ZNF804B: variants seen among roughly 807,000 people sequenced by gnomAD.
ZNF804B encodes the protein zinc finger protein 804B.
Under a neutral mutation model 101.4 loss-of-function variants are expected in ZNF804B, and 80 were observed. The ratio of observed to expected loss-of-function variants is 0.79; its 90% CI spans 0.66 to 0.95. The LOEUF (loss-of-function observed/expected upper bound fraction) is 0.95, where lower values mean the gene tolerates loss of function less well. ZNF804B is among the 40% of genes least tolerant of loss of function. The pLI is 0.00. For synonymous variants in ZNF804B, 622 were observed against 558.8 expected (o/e 1.11, Z -1.59); for missense variants, 1,673 against 1,561.9 (o/e 1.07, Z -1.20).
At chr7:89,279,363 C>T (rs1357693828) in intron 2 of ZNF804B, among the ~76,000 whole-genome samples, 1 of 150,594 alleles carries the variant, frequency 6.6e-6, no homozygotes, top group African/African-American at 2.5e-5. Flanking sequence ...TGCCTAATTG[C>T]CCTGGCCAGA....
intron 1 of ZNF804B, among the ~76,000 whole-genome samples, chr7:88,851,692 C>A (rs2115829653): frequency 6.6e-6 from 1 of 152,056 alleles, no homozygotes; most frequent in Non-Finnish European, 1.5e-5. Context: ...AAGAAATGAA[C>A]AGCATGGATC....
chr7:89,319,215 G>A (rs1790776992), intron 2 of ZNF804B, among the ~76,000 whole-genome samples: 1 of 152,092 alleles, frequency 6.6e-6, no homozygotes, highest in Non-Finnish European at 1.5e-5. Flanking sequence ...CTTGGGGCCA[G>A]TTTATGGCCA....
intron 1 of ZNF804B, among the ~76,000 whole-genome samples, chr7:89,106,484 G>C (rs183659606): frequency 6.6e-6 from 1 of 152,054 alleles, no homozygotes; most frequent in Non-Finnish European, 1.5e-5. Context: ...GAGATTGATG[G>C]CTTGTGTAGA....
intron 1 of ZNF804B, among the ~76,000 whole-genome samples, chr7:88,988,506 C>A (rs1793797584): frequency 6.6e-6 from 1 of 152,114 alleles, no homozygotes; most frequent in Non-Finnish European, 1.5e-5. Context: ...GTGTTAATAA[C>A]AACTATTGCA....
chr7:89,155,132 A>G (rs1584020205), intron 1 of ZNF804B, among the ~76,000 whole-genome samples: 2 of 152,272 alleles, frequency 1.3e-5, no homozygotes, highest in South Asian at 2.1e-4. Flanking sequence ...GATGCTTTCA[A>G]AAACTACCTA....
chr7:88,918,581 G>T (rs187336219), intron 1 of ZNF804B, among the ~76,000 whole-genome samples: 77 of 152,226 alleles, frequency 5.1e-4, no homozygotes, highest in Non-Finnish European at 9.0e-4. Flanking sequence ...AAAATGAATT[G>T]TGTGTTGTCA....
intron 1 of ZNF804B, among the ~76,000 whole-genome samples, chr7:88,879,073 A>G (rs575325805): frequency 6.6e-6 from 1 of 152,332 alleles, no homozygotes; most frequent in South Asian, 2.1e-4. Context: ...CTCAGAAAAC[A>G]GTATAAAAAG....
At chr7:88,945,795 A>T (rs370102984) in intron 1 of ZNF804B, among the ~76,000 whole-genome samples, 1 of 151,776 alleles carries the variant, frequency 6.6e-6, no homozygotes, top group South Asian at 2.1e-4. Context: ...CCTTGAAGAG[A>T]TCCTTCACAT....
intron 1 of ZNF804B, among the ~76,000 whole-genome samples, chr7:89,099,521 T>C (rs1790022782): frequency 6.6e-6 from 1 of 152,158 alleles, no homozygotes; most frequent in Non-Finnish European, 1.5e-5. Context: ...GATGTTCTAA[T>C]GTGACAAACA....
At chr7:88,935,413 G>C (rs888412633) in intron 1 of ZNF804B, among the ~76,000 whole-genome samples, 1 of 150,946 alleles carries the variant, frequency 6.6e-6, no homozygotes, top group African/African-American at 2.4e-5. Flanking sequence ...GCCAGCCATA[G>C]TGGCTCACAG....
chr7:88,939,292 T>G (rs1355463794), intron 1 of ZNF804B, among the ~76,000 whole-genome samples: 1 of 151,986 alleles, frequency 6.6e-6, no homozygotes, highest in Non-Finnish European at 1.5e-5. Context: ...CAATCAAATA[T>G]AAATATTATA....
chr7:89,220,253 A>G (rs138127213), intron 2 of ZNF804B, among the ~76,000 whole-genome samples: 9 of 150,908 alleles, frequency 6.0e-5, no homozygotes, highest in African/African-American at 1.9e-4. Flanking sequence ...AGATATATGT[A>G]TATAGTTGGC....
chr7:89,191,865 A>G (rs925497022), intron 1 of ZNF804B, among the ~76,000 whole-genome samples: 1 of 152,120 alleles, frequency 6.6e-6, no homozygotes, highest in East Asian at 1.9e-4. Flanking sequence ...TGGATGTTTT[A>G]GCAGTTCATC....
chr7:89,050,810 A>G (rs1280415278), intron 1 of ZNF804B, among the ~76,000 whole-genome samples: 1 of 152,124 alleles, frequency 6.6e-6, no homozygotes, highest in African/African-American at 2.4e-5. Context: ...AATAATTCCC[A>G]CCTAAGTCCC....
intron 1 of ZNF804B, among the ~76,000 whole-genome samples, chr7:89,018,889 T>C (rs532570171): frequency 6.6e-6 from 1 of 152,192 alleles, no homozygotes; most frequent in South Asian, 2.1e-4. Context: ...TCTCTCTTTT[T>C]AGTCTAGCTA....
At chr7:88,959,309 ATAAGCT>A (rs1272820520) in intron 1 of ZNF804B, among the ~76,000 whole-genome samples, 1 of 151,414 alleles carries the variant, frequency 6.6e-6, no homozygotes, top group African/African-American at 2.4e-5. Flanking sequence ...CATTTTACAC[ATAAGCT>A]TAAGTATTAG....
At chr7:89,305,781 A>T (rs557493671) in intron 2 of ZNF804B, among the ~76,000 whole-genome samples, 10 of 151,710 alleles carry the variant, frequency 6.6e-5, no homozygotes, top group African/African-American at 2.4e-4. Flanking sequence ...TTGAAAGAGG[A>T]TATTTTTTGA....
chr7:88,877,026 A>AT (rs1491138122), intron 1 of ZNF804B, among the ~76,000 whole-genome samples: 1,478 of 40,944 alleles, frequency 0.036, 87 homozygotes, highest in African/African-American at 0.092. Context: ...ATATATATAT[A>AT]ATATATATAT....
intron 1 of ZNF804B, among the ~76,000 whole-genome samples, chr7:89,021,563 G>T (rs1021456181): frequency 1.3e-5 from 2 of 152,146 alleles, no homozygotes; most frequent in Admixed American, 1.3e-4. Context: ...CTGGGCACAG[G>T]TACATCACTG....
Sources: allele counts gnomAD v4.1 joint callset (sites outside exome capture counted in the v4.1 genomes callset), GRCh38; gene constraint gnomAD v4.1.1; transcripts MANE v1.5; gene names NCBI Gene and HGNC (gene_info 2026-07-23, HGNC 2026-07-21).